The following AKAIN1 variants were observed in gnomAD, a reference collection of about 807,000 sequenced individuals.
AKAIN1 encodes A-kinase anchor inhibitor 1.
AKAIN1 carries 3 observed loss-of-function variants against 3.7 expected under a neutral mutation model. The ratio of observed to expected loss-of-function variants is 0.82; its 90% CI spans 0.37 to 2.12. AKAIN1 has a LOEUF of 2.12. Ranked by LOEUF, AKAIN1 falls within the 30% of genes most tolerant of loss-of-function variation. AKAIN1 has a pLI of 0.06. For synonymous variants in AKAIN1, 31 were observed against 30.8 expected (o/e 1.01, Z -0.02); for missense variants, 82 against 82.7 (o/e 0.99, Z 0.03).
chr18:5,169,099 G>A (rs898121149), intron 1 of AKAIN1, among the ~76,000 whole-genome samples: 1 of 151,998 alleles, frequency 6.6e-6, no homozygotes, highest in African/African-American at 2.4e-5. Context: ...TTGCAGTCTT[G>A]AGCCTGAATT....
intron 1 of AKAIN1, among the ~76,000 whole-genome samples, chr18:5,188,346 G>A (rs2071299244): frequency 6.6e-6 from 1 of 151,946 alleles, no homozygotes; most frequent in Admixed American, 6.6e-5. Context: ...GGAATTCTAT[G>A]GCAGCTCCAC....
intron 1 of AKAIN1, among the ~76,000 whole-genome samples, chr18:5,152,264 T>C (rs768358634): frequency 5.8e-4 from 89 of 152,262 alleles, no homozygotes; most frequent in Admixed American, 1.1e-3. Flanking sequence ...AATAATGAGG[T>C]TTTTGTTTAA....
intron 1 of AKAIN1, among the ~76,000 whole-genome samples, chr18:5,195,566 G>T (rs2071342948): frequency 6.6e-6 from 1 of 152,168 alleles, no homozygotes; most frequent in African/African-American, 2.4e-5. Context: ...GGGAGAAAAA[G>T]ACAGAATTCG....
At chr18:5,173,238 A>T (rs1249928918) in intron 1 of AKAIN1, among the ~76,000 whole-genome samples, 10 of 152,190 alleles carry the variant, frequency 6.6e-5, no homozygotes, top group Non-Finnish European at 2.9e-5. Flanking sequence ...TGTAGAATTA[A>T]CCAAAACTTT....
At chr18:5,192,032 T>G (rs2071321595) in intron 1 of AKAIN1, among the ~76,000 whole-genome samples, 1 of 152,068 alleles carries the variant, frequency 6.6e-6, no homozygotes, top group Admixed American at 6.6e-5. Flanking sequence ...ATGTGTGGAG[T>G]TTTCCATTTG....
intron 1 of AKAIN1, among the ~76,000 whole-genome samples, chr18:5,183,454 T>C (rs931100121): frequency 6.6e-6 from 1 of 152,072 alleles, no homozygotes; most frequent in Admixed American, 6.6e-5. Flanking sequence ...TGATGAAATA[T>C]AATTCAATTT....
chr18:5,151,796 T>C (rs575181774), intron 1 of AKAIN1, among the ~76,000 whole-genome samples: 3 of 152,226 alleles, frequency 2.0e-5, no homozygotes, highest in Admixed American at 2.0e-4. Flanking sequence ...CAGAAAGATA[T>C]TTATGGAGGA....
intron 1 of AKAIN1, among the ~76,000 whole-genome samples, chr18:5,196,387 A>T (rs2071347884): frequency 6.6e-6 from 1 of 152,218 alleles, no homozygotes; most frequent in African/African-American, 2.4e-5. Flanking sequence ...CTCTTCGCCA[A>T]CTAGTAGCCA....
At chr18:5,168,501 CA>C (rs138285233) in intron 1 of AKAIN1, among the ~76,000 whole-genome samples, 22,669 of 152,028 alleles carry the variant, frequency 0.15, 3,029 homozygotes, top group African/African-American at 0.36. Context: ...AGTTCAGATC[CA>C]AAACTCATGC....
chr18:5,189,703 G>T (rs1002241380), intron 1 of AKAIN1, among the ~76,000 whole-genome samples: 2 of 150,944 alleles, frequency 1.3e-5, no homozygotes, highest in Admixed American at 6.6e-5. Context: ...CAACATTCTG[G>T]TCACAACCAC....
chr18:5,148,301 C>T (rs2071060677), intron 1 of AKAIN1, among the ~76,000 whole-genome samples: 1 of 152,234 alleles, frequency 6.6e-6, no homozygotes, highest in Non-Finnish European at 1.5e-5. Flanking sequence ...AACTTCCTTA[C>T]ATCTTACTGC....
chr18:5,165,854 G>T (rs545694536), intron 1 of AKAIN1, among the ~76,000 whole-genome samples: 6 of 151,964 alleles, frequency 3.9e-5, no homozygotes, highest in Admixed American at 3.3e-4. Context: ...GCAGTGAAAA[G>T]GATTTTACAG....
At chr18:5,151,545 G>A (rs1365036617) in intron 1 of AKAIN1, among the ~76,000 whole-genome samples, 1 of 152,128 alleles carries the variant, frequency 6.6e-6, no homozygotes, top group Admixed American at 6.6e-5. Flanking sequence ...AGCATTTTAG[G>A]TAGATTTGAG....
intron 1 of AKAIN1, among the ~76,000 whole-genome samples, chr18:5,188,868 A>C (rs1160078383): frequency 6.6e-6 from 1 of 152,188 alleles, no homozygotes; most frequent in African/African-American, 2.4e-5. Flanking sequence ...AGGTTAATAA[A>C]GGCTTGCCTG....
intron 1 of AKAIN1, among the ~76,000 whole-genome samples, chr18:5,177,813 C>T (rs138851438): frequency 6.6e-6 from 1 of 152,228 alleles, no homozygotes; most frequent in Admixed American, 6.5e-5. Context: ...GTATGCCCTT[C>T]TGAAATGTGG....
At chr18:5,168,621 T>C (rs1315699900) in intron 1 of AKAIN1, among the ~76,000 whole-genome samples, 1 of 152,026 alleles carries the variant, frequency 6.6e-6, no homozygotes, top group African/African-American at 2.4e-5. Flanking sequence ...TTTGTCTTAG[T>C]GTGAACCCTT....
rs529009661 is a variant in AKAIN1 at position 5,180,872 on chromosome 18, C to T, written c.16+16166G>A. ...TGTCAGGCAACACAAGATGTGGATT[C>T]CATAGAGCCCTCCTGTCTAAATGTC... is the stretch of plus-strand genomic sequence containing the variant. On this transcript the variant is annotated intron_variant, in intron 1 of 1. Transcript: ENST00000434239. Among the ~76,000 whole-genome samples the T allele has an allele frequency of 4.6e-5, 7 of 152,200 alleles. No individual in the cohort carries two copies. The South Asian group carries it at 1.5e-3, about 32-fold the overall frequency.
intron 1 of AKAIN1, among the ~76,000 whole-genome samples, chr18:5,169,609 C>T (rs958062149): frequency 3.9e-5 from 6 of 152,020 alleles, no homozygotes; most frequent in African/African-American, 1.2e-4. Context: ...ACCATTACCG[C>T]GGATAATGTT....
At chr18:5,190,856 C>A (rs2071314590) in intron 1 of AKAIN1, among the ~76,000 whole-genome samples, 1 of 152,138 alleles carries the variant, frequency 6.6e-6, no homozygotes, top group African/African-American at 2.4e-5. Flanking sequence ...AAGGGTCCCA[C>A]CCCCACGACC....
Sources: gnomAD v4.1 joint callset for allele counts (sites outside exome capture counted in the v4.1 genomes callset) on GRCh38, gnomAD v4.1.1 for gene constraint, MANE v1.5 for transcripts, NCBI Gene and HGNC (gene_info 2026-07-23, HGNC 2026-07-21) for gene names.